The following SMG6 variants were observed in gnomAD, a reference collection of about 807,000 sequenced individuals.
SMG6 encodes the protein telomerase-binding protein EST1A.
SMG6 carries 66 observed loss-of-function variants against 142.2 expected under a neutral mutation model. That is an observed-to-expected ratio of 0.46 (90% CI 0.38 to 0.57). The LOEUF (loss-of-function observed/expected upper bound fraction) is 0.57. SMG6 is among the 20% of genes least tolerant of loss of function. The probability of loss-of-function intolerance (pLI) is 0.00; values close to 1 mark genes in which losing one functional copy is unlikely to be tolerated. For synonymous variants in SMG6, 779 were observed against 702.4 expected (o/e 1.11, Z -1.72); for missense variants, 1,793 against 1,832.0 (o/e 0.98, Z 0.39).
At chr17:2,224,644 AAGG>A (rs2073265279) in intron 10 of SMG6, among the ~76,000 whole-genome samples, 1 of 151,080 alleles carries the variant, frequency 6.6e-6, no homozygotes. Flanking sequence ...AGGGTCACAG[AAGG>A]AGAAGAGAAA....
At chr17:2,277,200 G>A (rs1419891588) in intron 8 of SMG6, among the ~76,000 whole-genome samples, 2 of 129,422 alleles carry the variant, frequency 1.5e-5, no homozygotes, top group East Asian at 2.2e-4. Context: ...ACAGAGTCTC[G>A]CTGTCACCCA....
chr17:2,187,127 C>G (rs1221577251), intron 11 of SMG6, among the ~76,000 whole-genome samples: 1 of 152,188 alleles, frequency 6.6e-6, no homozygotes, highest in African/African-American at 2.4e-5. Flanking sequence ...AGCACAGTAC[C>G]AAGATGGCAC....
chr17:2,232,626 G>A (rs544402174), intron 10 of SMG6: 2 of 152,284 alleles, frequency 1.3e-5, no homozygotes, highest in South Asian at 4.2e-4. Flanking sequence ...CTACCTGAGT[G>A]TGCAGTATGA....
intron 13 of SMG6, chr17:2,087,314 T>C: frequency 8.1e-7 from 1 of 1,231,786 alleles, no homozygotes; most frequent in Non-Finnish European, 1.0e-6. Context: ...ACAGTGGAAA[T>C]AAATGAGCAC....
chr17:2,196,725 C>T (rs1411554844), intron 10 of SMG6, among the ~76,000 whole-genome samples: 2 of 152,056 alleles, frequency 1.3e-5, no homozygotes, highest in African/African-American at 4.8e-5. Flanking sequence ...ATCGTTCTCC[C>T]TGATGTTAAG....
chr17:2,195,508 C>A (rs777520354), intron 10 of SMG6, among the ~76,000 whole-genome samples: 2 of 152,208 alleles, frequency 1.3e-5, no homozygotes, highest in Non-Finnish European at 2.9e-5. Context: ...CCCTTGAGGG[C>A]AAGAGCTATG....
intron 9 of SMG6, among the ~76,000 whole-genome samples, chr17:2,240,834 T>C (rs929328176): frequency 6.6e-6 from 1 of 152,230 alleles, no homozygotes; most frequent in Non-Finnish European, 1.5e-5. Context: ...GAGAGTGATG[T>C]GCCTTCAGCT....
chr17:2,100,006 G>A (rs540271660), intron 13 of SMG6, among the ~76,000 whole-genome samples: 51 of 151,454 alleles, frequency 3.4e-4, no homozygotes, highest in African/African-American at 1.2e-3. Flanking sequence ...GGGACTACAG[G>A]TGCCTGCCAC....
In SMG6 at chr17:2,123,337, C is replaced by T. The variant is rs116614211; in HGVS notation, c.3358-37436G>A. Reference sequence around the variant, plus strand: ...ATCTTCCACTTCTGGAGACTCCAAACGATATTCCTAAGAGCCATATGGCTT... The same window carrying T: ...ATCTTCCACTTCTGGAGACTCCAAATGATATTCCTAAGAGCCATATGGCTT... On this transcript the variant is annotated intron_variant, in intron 13 of 18. Coordinates refer to ENST00000263073, the MANE Select transcript of SMG6 (RefSeq NM_017575.5). Among the ~76,000 whole-genome samples the T allele has an allele frequency of 1.9e-3, 289 of 152,174 alleles. 2 individuals are homozygous for T. Among genetic ancestry groups the T allele is most frequent in the African/African-American group, 5.9e-3 (245 of 41,502 alleles).
intron 12 of SMG6, among the ~76,000 whole-genome samples, chr17:2,183,061 T>G (rs10852923): frequency 0.45 from 67,583 of 151,774 alleles, 16,085 homozygotes; most frequent in East Asian, 0.63. Flanking sequence ...CCATCTCTAT[T>G]TAAAAAATAC....
chr17:2,221,766 C>T (rs541797720), intron 10 of SMG6, among the ~76,000 whole-genome samples: 119 of 152,272 alleles, frequency 7.8e-4, no homozygotes, highest in African/African-American at 2.1e-3. Flanking sequence ...TTTTTTGAGA[C>T]GGAGTCTTGC....
intron 15 of SMG6, among the ~76,000 whole-genome samples, chr17:2,073,352 G>A (rs1171874873): frequency 6.6e-6 from 1 of 151,962 alleles, no homozygotes; most frequent in African/African-American, 2.4e-5. Context: ...CCAAAGTGCT[G>A]GGATTACAGG....
At chr17:2,159,100 A>G (rs1002541641) in intron 13 of SMG6, among the ~76,000 whole-genome samples, 1 of 152,138 alleles carries the variant, frequency 6.6e-6, no homozygotes, top group Non-Finnish European at 1.5e-5. Context: ...TCATAAAAAG[A>G]TGCTCATCAT....
chr17:2,177,301 C>T (rs77185871), intron 12 of SMG6, among the ~76,000 whole-genome samples: 2,886 of 152,252 alleles, frequency 0.019, 53 homozygotes, highest in South Asian at 0.066. Context: ...TACCTTCTTG[C>T]CCAGAACTCA....
chr17:2,152,750 AAC>A (rs1190119577), intron 13 of SMG6, among the ~76,000 whole-genome samples: 4 of 152,256 alleles, frequency 2.6e-5, no homozygotes, highest in African/African-American at 9.6e-5. Flanking sequence ...CACTTTGTAA[AAC>A]AGTTTGCTGG....
chr17:2,191,294 A>G (rs1181814286), intron 10 of SMG6, among the ~76,000 whole-genome samples: 1 of 152,060 alleles, frequency 6.6e-6, no homozygotes, highest in Non-Finnish European at 1.5e-5. Context: ...GAAAGCATTC[A>G]CCGTTACACA....
At chr17:2,180,733 G>A (rs2071780823) in intron 12 of SMG6, among the ~76,000 whole-genome samples, 1 of 152,150 alleles carries the variant, frequency 6.6e-6, no homozygotes, top group East Asian at 1.9e-4. Flanking sequence ...ATTAAAGACA[G>A]GGAGGGAATG....
intron 13 of SMG6, among the ~76,000 whole-genome samples, chr17:2,155,572 GC>G (rs1333948634): frequency 2.6e-5 from 4 of 152,180 alleles, no homozygotes; most frequent in Non-Finnish European, 5.9e-5. Context: ...GTGTGTTACA[GC>G]AGTACCCAGA....
At chr17:2,090,856 G>C (rs1016379975) in intron 13 of SMG6, among the ~76,000 whole-genome samples, 1 of 151,668 alleles carries the variant, frequency 6.6e-6, no homozygotes, top group Non-Finnish European at 1.5e-5. Context: ...TAATTTTACA[G>C]AATGTCCTTA....
Sources: allele counts gnomAD v4.1 joint callset (sites outside exome capture counted in the v4.1 genomes callset), GRCh38; gene constraint gnomAD v4.1.1; transcripts MANE v1.5; gene names NCBI Gene and HGNC (gene_info 2026-07-23, HGNC 2026-07-21).